KIF1B: variants seen among roughly 807,000 people sequenced by gnomAD.
KIF1B encodes the protein kinesin-like protein KIF1B.
KIF1B carries 76 observed loss-of-function variants against 241.9 expected under a neutral mutation model. The ratio of observed to expected loss-of-function variants is 0.31; its 90% confidence interval spans 0.26 to 0.38. KIF1B has a LOEUF of 0.38. Among genes scored for constraint, KIF1B ranks in the 10% least tolerant of loss-of-function variants. KIF1B has a pLI of 1.00. For missense variants in KIF1B, 1,622 were observed against 2,271.4 expected, an observed-to-expected ratio of 0.71 and a Z score of 5.81; for synonymous variants, 750 against 796.7, an observed-to-expected ratio of 0.94 and a Z score of 0.99.
In KIF1B at chr1:10,334,942, GT is replaced by G. The variant is rs767234114; in HGVS notation, c.3043+318del. On this transcript the variant is annotated intron_variant, in intron 28 of 48. Coordinates refer to ENST00000676179, the MANE Select transcript of KIF1B (RefSeq NM_001365951.3). ...ACTATATAAAAGTCATTGGTGTGTT[GT>G]TTTTTTTTTTTTTGAGACAGGGTCT... Among the ~76,000 whole-genome samples, 1,316 of 141,080 alleles carry G rather than the reference GT, an allele frequency of 9.3e-3. 12 individuals are homozygous for G. The highest frequency in any genetic ancestry group is 0.048 in the Middle Eastern group (13 of 272). The allele number at this position is 141,080 out of a possible 152,430, so 92.6% of individuals were successfully genotyped here. A position where few individuals can be genotyped will look rare whatever the true frequency, so the allele number is the denominator to read the frequency against.
chr1:10,354,096 G>T (rs947765153), intron 38 of KIF1B, among the ~76,000 whole-genome samples: 6 of 151,978 alleles, frequency 3.9e-5, no homozygotes, highest in East Asian at 1.9e-4. Context: ...TTTAATTCAC[G>T]CCCAACAACA....
In KIF1B at chr1:10,334,715, C is replaced by T. The variant is rs371029398; in HGVS notation, c.3043+77C>T. ...AAGCAGGCTGATTCTGCGTGGGTCA[C>T]GCTTATATTACACATACAAACTGTG... On this transcript the variant is annotated intron_variant, in intron 28 of 48. Coordinates refer to ENST00000676179, the MANE Select transcript of KIF1B (RefSeq NM_001365951.3). 246 of 1,089,198 alleles carry T rather than the reference C, an allele frequency of 2.3e-4. 2 individuals carry two copies. The East Asian group carries it at 2.9e-3, about 13-fold the overall frequency. 67.5% of individuals were successfully genotyped at this position (1,089,198 alleles called of 1,614,324 possible).
intron 2 of KIF1B, among the ~76,000 whole-genome samples, chr1:10,246,746 C>T (rs1302206218): frequency 6.6e-6 from 1 of 151,456 alleles, no homozygotes; most frequent in Non-Finnish European, 1.5e-5. Context: ...GACTCTGTCT[C>T]AAAGAAAAAA....
intron 22 of KIF1B, among the ~76,000 whole-genome samples, chr1:10,314,262 T>G (rs1054097018): frequency 6.6e-6 from 1 of 151,580 alleles, no homozygotes; most frequent in African/African-American, 2.4e-5. Flanking sequence ...TGAATCTCAT[T>G]AATTAGCCAT....
intron 48 of KIF1B, 42 bp from the exon 49 acceptor site, chr1:10,376,503 T>G (rs1268287597): frequency 1.2e-6 from 2 of 1,600,426 alleles, no homozygotes; most frequent in Non-Finnish European, 1.7e-6. Flanking sequence ...ACAAGACTTG[T>G]ACCCAGACTT....
In KIF1B at chr1:10,365,263, T is replaced by G; in HGVS notation, c.4512+18T>G. The G allele has an allele frequency of 6.2e-7, 1 of 1,613,874 alleles. No individual in the cohort carries two copies. Among genetic ancestry groups the G allele is most frequent in the Non-Finnish European group, 8.5e-7 (1 of 1,179,886 alleles). On this transcript the variant is annotated intron_variant, in intron 42 of 48. Transcript: ENST00000676179. The surrounding 1 kb of genome is among the most constrained non-coding windows in gnomAD (Gnocchi z 4.0). ...TACATGAGGTATCCAGGGGCAGGGT[T>G]GTTCAGATGCAAGAACTCTCGGACA...
At chr1:10,295,888 T>C (rs1650239430) in intron 19 of KIF1B, 122 bp downstream of exon 19, 2 of 854,028 alleles carry the variant, frequency 2.3e-6, no homozygotes, top group East Asian at 2.8e-5. Flanking sequence ...TTCTGAAAAA[T>C]GGAGAGACCT....
At chr1:10,300,744 TCAGA>T (rs1459689671) in intron 22 of KIF1B, among the ~76,000 whole-genome samples, 1 of 152,268 alleles carries the variant, frequency 6.6e-6, no homozygotes, top group South Asian at 2.1e-4. Context: ...TCTTCAGGAG[TCAGA>T]CATAGTTTTT....
intron 27 of KIF1B, among the ~76,000 whole-genome samples, chr1:10,333,708 C>T (rs1186993899): frequency 6.6e-6 from 1 of 152,006 alleles, no homozygotes; most frequent in East Asian, 1.9e-4. Context: ...AGACAAAAAG[C>T]AACCAATAAA....
At chr1:10,352,126 G>T (rs1244432077) in intron 37 of KIF1B, among the ~76,000 whole-genome samples, 1 of 150,342 alleles carries the variant, frequency 6.7e-6, no homozygotes, top group Non-Finnish European at 1.5e-5. Context: ...CAGGGGAGGT[G>T]TGAATAGCAG....
intron 45 of KIF1B, among the ~76,000 whole-genome samples, chr1:10,371,787 C>T (rs1304721483): frequency 6.6e-6 from 1 of 151,856 alleles, no homozygotes; most frequent in Admixed American, 6.6e-5. Flanking sequence ...AAATAAGATA[C>T]CCAGGCGTGG....
intron 1 of KIF1B, among the ~76,000 whole-genome samples, chr1:10,212,655 A>T (rs1646707365): frequency 6.6e-6 from 1 of 151,954 alleles, no homozygotes; most frequent in Non-Finnish European, 1.5e-5. Context: ...AGGCTGAGAC[A>T]GGAGGATCCC....
intron 22 of KIF1B, among the ~76,000 whole-genome samples, chr1:10,301,603 T>G (rs1309632264): frequency 6.6e-6 from 1 of 151,838 alleles, no homozygotes; most frequent in African/African-American, 2.4e-5. Context: ...GAGGTGGAGG[T>G]TGCAGTGAGC....
chr1:10,249,659 T>C (rs1647330641), intron 2 of KIF1B, among the ~76,000 whole-genome samples: 1 of 152,196 alleles, frequency 6.6e-6, no homozygotes, highest in Non-Finnish European at 1.5e-5. Flanking sequence ...CCTAGCACTT[T>C]GGGAGGCCAA....
intron 7 of KIF1B, among the ~76,000 whole-genome samples, chr1:10,268,953 C>T (rs1569640806): frequency 6.6e-6 from 1 of 152,064 alleles, no homozygotes. Flanking sequence ...TAAGTGCATA[C>T]AATAATGTCT....
intron 22 of KIF1B, among the ~76,000 whole-genome samples, chr1:10,300,268 ATAG>A (rs1207317259): frequency 6.7e-6 from 1 of 148,888 alleles, no homozygotes; most frequent in Non-Finnish European, 1.5e-5. Context: ...TAATAATAAT[ATAG>A]ATAAATATAA....
At chr1:10,329,876 T>G (rs746015869) in intron 27 of KIF1B, among the ~76,000 whole-genome samples, 1 of 152,236 alleles carries the variant, frequency 6.6e-6, no homozygotes, top group African/African-American at 2.4e-5. Flanking sequence ...TGGGATGTTA[T>G]GAACCATCCA....
intron 15 of KIF1B, among the ~76,000 whole-genome samples, chr1:10,289,646 G>T (rs1017674624): frequency 6.6e-6 from 1 of 152,176 alleles, no homozygotes; most frequent in Non-Finnish European, 1.5e-5. Flanking sequence ...CACTTTGGGA[G>T]GCTGAAGCGG....
intron 22 of KIF1B, among the ~76,000 whole-genome samples, chr1:10,316,500 C>G (rs1196961506): frequency 6.6e-6 from 1 of 151,254 alleles, no homozygotes; most frequent in African/African-American, 2.5e-5. Context: ...TTGTTTGTTG[C>G]TATTGTTGTT....
Sources: allele counts gnomAD v4.1 joint callset (sites outside exome capture counted in the v4.1 genomes callset), GRCh38; gene constraint gnomAD v4.1.1; non-coding constraint Gnocchi (gnomAD v3.1); transcripts MANE v1.5; gene names NCBI Gene and HGNC (gene_info 2026-07-23, HGNC 2026-07-21).